The following EPN1 variants were observed in gnomAD, a reference collection of about 807,000 sequenced individuals.
The protein encoded by EPN1 is epsin-1.
Under a neutral mutation model 56.9 loss-of-function variants are expected in EPN1, and 25 were observed. The observed-to-expected ratio is 0.44, with a 90% CI of 0.32 to 0.61. EPN1 has a LOEUF of 0.61. Ranked by LOEUF, EPN1 falls within the 20% of genes least tolerant of loss-of-function variation. EPN1 has a pLI of 0.05. For missense variants in EPN1, 785 were observed against 823.7 expected (o/e 0.95, Z 0.58); for synonymous variants, 411 against 361.8 (o/e 1.14, Z -1.54).
rs1008906308 is a variant in EPN1 at position 55,699,168 on chromosome 19, A to G, written c.*3812A>G. ...GGTGTGCTGCACGCATTAACTCGTC[A>G]TTTACATTAGGTATATCTCCTAATG... On this transcript the variant is annotated 3_prime_UTR_variant, in exon 11 of 11. Transcript: ENST00000270460. The G allele has an allele frequency of 6.6e-6, 1 of 152,200 alleles. No homozygotes were observed. The highest frequency in any genetic ancestry group is 1.9e-4 in the East Asian group (1 of 5,178). The allele number at this position is 152,200 out of a possible 1,614,324, so 9.4% of individuals were successfully genotyped here. A position where few individuals can be genotyped will look rare whatever the true frequency, so the allele number is the denominator to read the frequency against.
rs146337657 is a variant in EPN1, at chr19:55,685,782, G to T, written c.478+137G>T. 1.5e-4 allele frequency: 182 copies of T among 1,177,680 alleles called. 1 individual carries two copies. The African/African-American group carries it at 2.3e-3, about 15-fold the overall frequency. The allele number at this position is 1,177,680 out of a possible 1,614,324, so 73.0% of individuals were successfully genotyped here. A position where few individuals can be genotyped will look rare whatever the true frequency, so the allele number is the denominator to read the frequency against. On this transcript the variant is annotated intron_variant, in intron 3 of 10. Coordinates refer to ENST00000270460, the MANE Select transcript of EPN1 (RefSeq NM_001130072.2). ...TCCCCCTTTGCTTCTCCTCACCTGGGCCCCTTGCTCTGGTCTCACTTGGGC... is the reference window on the plus strand; with the variant it reads ...TCCCCCTTTGCTTCTCCTCACCTGGTCCCCTTGCTCTGGTCTCACTTGGGC...
At position 55,692,188 on chromosome 19, in the gene EPN1, AG is replaced by A. The variant is rs1986603081; in HGVS notation, c.1066+136del. On this transcript the variant is annotated intron_variant, in intron 7 of 10. Transcript: ENST00000270460. The stretch of plus-strand genomic sequence containing the variant: ...TGGTGGGGCGTCCTGGGTGCAGGGG[AG>A]GGGGCAAGGGCGGGGGTCAGATGAG... The A allele has an allele frequency of 1.8e-5, 14 of 787,842 alleles. No homozygotes were observed. In the Admixed American group the frequency reaches 2.3e-4, roughly 13 times the overall value. The allele number at this position is 787,842 out of a possible 1,614,324, so 48.8% of individuals were successfully genotyped here.
Position 55,707,362 on chromosome 19 carries a change from TAAC to T in EPN1, c.*12009_*12011del, listed in dbSNP as rs1395913848. Reference sequence around the variant, plus strand: ...ACTCTAAAACAAAAGAAAGAACAAATAACAAATGAAAATAAATACCCAAAAACC... The same window carrying T: ...ACTCTAAAACAAAAGAAAGAACAAATAAATGAAAATAAATACCCAAAAACC... On this transcript the variant is annotated 3_prime_UTR_variant, in exon 11 of 11. Coordinates refer to ENST00000270460, the MANE Select transcript of EPN1 (RefSeq NM_001130072.2). 2.0e-5 allele frequency: 3 copies of T among 152,052 alleles called. No homozygotes were observed. Among genetic ancestry groups the T allele is most frequent in the African/African-American group, 7.3e-5 (3 of 41,336 alleles). 9.4% of individuals were successfully genotyped at this position (152,052 alleles called of 1,614,324 possible).
chr19:55,692,370 G>A (rs1338039319), intron 7 of EPN1, among the ~76,000 whole-genome samples: 1 of 151,830 alleles, frequency 6.6e-6, no homozygotes, highest in Admixed American at 6.6e-5. Context: ...GGAGCTGGGA[G>A]GTGCAGGTGG....
chr19:55,676,925 C>T, intron 1 of EPN1: 2 of 459,742 alleles, frequency 4.4e-6, no homozygotes, highest in Non-Finnish European at 7.7e-6. Flanking sequence ...GAACTGTCTT[C>T]TATTTCTTCT....
At position 55,703,271 on chromosome 19, in the gene EPN1, A is replaced by C. The variant is rs1417698367; in HGVS notation, c.*7915A>C. On this transcript the variant is annotated 3_prime_UTR_variant, in exon 11 of 11. Transcript: ENST00000270460. The stretch of plus-strand genomic sequence containing the variant: ...GTGGGAAGTGCCCTCAACCAAGGAG[A>C]TAGCTGCTGTGTGTGTGTGTGTTGT... 6.6e-6 allele frequency: 1 copy of C among 150,660 alleles called. No homozygotes were observed. The highest frequency in any genetic ancestry group is 1.5e-5 in the Non-Finnish European group (1 of 67,880). The allele number at this position is 150,660 out of a possible 1,614,324, so 9.3% of individuals were successfully genotyped here. A position where few individuals can be genotyped will look rare whatever the true frequency, so the allele number is the denominator to read the frequency against.
rs1987503677 is a variant in EPN1, at chr19:55,707,841, T to A, written c.*12485T>A. On this transcript the variant is annotated 3_prime_UTR_variant, in exon 11 of 11. Coordinates refer to ENST00000270460, the MANE Select transcript of EPN1 (RefSeq NM_001130072.2). Reference sequence around the variant, plus strand: ...ATGGAAACCCTTGTCCAGTCTTGAGTGTAAACTCGTGTTTACAGGTCTTAA... The same window carrying A: ...ATGGAAACCCTTGTCCAGTCTTGAGAGTAAACTCGTGTTTACAGGTCTTAA... The A allele has an allele frequency of 1.9e-5, 3 of 154,432 alleles. No individual in the cohort carries two copies. In the Admixed American group the frequency reaches 2.0e-4, roughly 10 times the overall value. 9.6% of individuals were successfully genotyped at this position (154,432 alleles called of 1,614,324 possible).
chr19:55,697,477 A>G lies in EPN1; in HGVS notation c.*2121A>G, dbSNP rs189981927. The G allele has an allele frequency of 1.3e-5, 2 of 152,206 alleles. No individual in the cohort carries two copies. Among genetic ancestry groups the G allele is most frequent in the Admixed American group, 1.3e-4 (2 of 15,288 alleles). 9.4% of individuals were successfully genotyped at this position (152,206 alleles called of 1,614,324 possible). A position where few individuals can be genotyped will look rare whatever the true frequency, so the allele number is the denominator to read the frequency against. ...GCTGAGGACGAAGATAAAATGATAC[A>G]GTTGGATTAGTCCAGTGGAGGGGTT... is the stretch of plus-strand genomic sequence containing the variant. On this transcript the variant is annotated 3_prime_UTR_variant, in exon 11 of 11. Coordinates refer to ENST00000270460, the MANE Select transcript of EPN1 (RefSeq NM_001130072.2).
rs1206817867 is a variant in EPN1, at chr19:55,700,584, C to T, written c.*5228C>T. The T allele has an allele frequency of 6.6e-6, 1 of 152,224 alleles. No individual in the cohort carries two copies. The highest frequency in any genetic ancestry group is 1.5e-5 in the Non-Finnish European group (1 of 68,044). 9.4% of individuals were successfully genotyped at this position (152,224 alleles called of 1,614,324 possible). Reference sequence around the variant, plus strand: ...CCATAATTACAAACTTTCTGAGGGACATCTTGAAGCACACAAAACTATAGA... The same window carrying T: ...CCATAATTACAAACTTTCTGAGGGATATCTTGAAGCACACAAAACTATAGA... On this transcript the variant is annotated 3_prime_UTR_variant, in exon 11 of 11. Transcript: ENST00000270460.
At chr19:55,681,238 T>C (rs1432166339) in intron 2 of EPN1, among the ~76,000 whole-genome samples, 1 of 152,214 alleles carries the variant, frequency 6.6e-6, no homozygotes, top group Non-Finnish European at 1.5e-5. Flanking sequence ...GTTTATTTGG[T>C]ACCTTGTACG....
intron 1 of EPN1, among the ~76,000 whole-genome samples, chr19:55,675,738 C>T (rs1480920075): frequency 6.6e-6 from 1 of 152,194 alleles, no homozygotes; most frequent in Non-Finnish European, 1.5e-5. Flanking sequence ...TCTCTCTCCT[C>T]TGTCTGTCGT....
chr19:55,687,721 A>T (rs544089879), intron 3 of EPN1, among the ~76,000 whole-genome samples: 1 of 152,060 alleles, frequency 6.6e-6, no homozygotes, highest in East Asian at 1.9e-4. Context: ...AAGTCCGTCA[A>T]TCCCTGCTGG....
rs536081369 is a variant in EPN1 at position 55,701,541 on chromosome 19, C to T, written c.*6185C>T. On this transcript the variant is annotated 3_prime_UTR_variant, in exon 11 of 11. Transcript: ENST00000270460. ...TTTGAACAAGGACCTTGTGTCTCCT[C>T]TCCCCTTTCCCGGACTATTCTGACC... 1.6e-4 allele frequency: 24 copies of T among 152,154 alleles called. No individual in the cohort carries two copies. The highest frequency in any genetic ancestry group is 5.8e-4 in the African/African-American group (24 of 41,488). 9.4% of individuals were successfully genotyped at this position (152,154 alleles called of 1,614,324 possible). A position where few individuals can be genotyped will look rare whatever the true frequency, so the allele number is the denominator to read the frequency against.
At chr19:55,690,090 C>A in intron 6 of EPN1, 140 bp downstream of exon 6, 3 of 867,086 alleles carry the variant, frequency 3.5e-6, no homozygotes, top group South Asian at 1.7e-5. Flanking sequence ...CAGGCTTGGT[C>A]GGCCTCTCTG....
chr19:55,679,579 A>G (rs1386267496), intron 2 of EPN1, among the ~76,000 whole-genome samples: 2 of 152,224 alleles, frequency 1.3e-5, no homozygotes, highest in Admixed American at 6.5e-5. Context: ...CACCAGACCA[A>G]CAAGGCCCCA....
Position 55,692,698 on chromosome 19 carries a change from T to C in EPN1, c.1079T>C (p.Val360Ala), listed in dbSNP as rs1019549053. 7.1e-6 allele frequency: 11 copies of C among 1,545,888 alleles called. No individual in the cohort carries two copies. Among genetic ancestry groups the C allele is most frequent in the Middle Eastern group, 1.7e-4 (1 of 5,828 alleles). The part of the protein sequence containing the change: ...PWGSSDGGVP[V>A]SGPSASDPWT... Reference sequence around the variant, plus strand: ...TGTCCTCACCCAGGTGGGGTCCCGGTCAGTGGGCCCTCAGCCTCCGATCCC... The same window carrying C: ...TGTCCTCACCCAGGTGGGGTCCCGGCCAGTGGGCCCTCAGCCTCCGATCCC... Residue 360 changes from valine (V) to alanine (A), a missense_variant, in exon 8 of 11, where the codon GTC becomes GCC. By Grantham distance (64) the Val-to-Ala change is moderately conservative. Around this residue, in one of 2 missense-constraint regions of EPN1, gnomAD observed 650 missense variants for 605.0 expected, o/e 1.07. Coordinates refer to ENST00000270460, the MANE Select transcript of EPN1 (RefSeq NM_001130072.2).
At position 55,702,246 on chromosome 19, in the gene EPN1, CCACCG is replaced by C. The variant is rs954031062; in HGVS notation, c.*6892_*6896del. 2 of 150,238 alleles carry C rather than the reference CCACCG, an allele frequency of 1.3e-5. No homozygotes were observed. Among genetic ancestry groups the C allele is most frequent in the Non-Finnish European group, 3.0e-5 (2 of 67,698 alleles). 9.3% of individuals were successfully genotyped at this position (150,238 alleles called of 1,614,324 possible). A position where few individuals can be genotyped will look rare whatever the true frequency, so the allele number is the denominator to read the frequency against. On this transcript the variant is annotated 3_prime_UTR_variant, in exon 11 of 11. Transcript: ENST00000270460. ...AAAGTAGTGGGATTGCAGGCGTGAG[CCACCG>C]CGCCGGGCCCCCACCCCATTCTTTG...
intron 3 of EPN1, among the ~76,000 whole-genome samples, chr19:55,687,507 G>A (rs116012253): frequency 0.01 from 1,540 of 152,210 alleles, 27 homozygotes; most frequent in African/African-American, 0.035. Context: ...GGGGTTAGGG[G>A]CATGTGCAAG....
Position 55,697,025 on chromosome 19 carries a change from G to A in EPN1, c.*1669G>A, listed in dbSNP as rs1295713343. The A allele has an allele frequency of 1.3e-5, 2 of 152,248 alleles. No homozygotes were observed. Among genetic ancestry groups the A allele is most frequent in the Non-Finnish European group, 2.9e-5 (2 of 68,042 alleles). The allele number at this position is 152,248 out of a possible 1,614,324, so 9.4% of individuals were successfully genotyped here. On this transcript the variant is annotated 3_prime_UTR_variant, in exon 11 of 11. Coordinates refer to ENST00000270460, the MANE Select transcript of EPN1 (RefSeq NM_001130072.2). ...GGAACTTTGGGGTCAGCCGGTTCCA[G>A]ATTCAGTTGCAGAGGAGCATCCCCC...
Sources: allele counts gnomAD v4.1 joint callset (sites outside exome capture counted in the v4.1 genomes callset), GRCh38; gene constraint gnomAD v4.1.1; regional missense constraint gnomAD v4.1.1; transcripts MANE v1.5; gene names NCBI Gene and HGNC (gene_info 2026-07-23, HGNC 2026-07-21).